The following LRTM3 variants were observed in gnomAD, a reference collection of about 807,000 sequenced individuals.
LRTM3 encodes leucine-rich repeat transmembrane protein 3.
the LRTM3 span, chr13:102,744,907 C>T: frequency 1.3e-6 from 2 of 1,550,514 alleles, no homozygotes; most frequent in Admixed American, 2.0e-5. Flanking sequence ...CTGAATTGTG[C>T]TGTTCCCCCA....
chr13:102,741,226 T>C, the LRTM3 span: 2 of 1,550,352 alleles, frequency 1.3e-6, no homozygotes, highest in Admixed American at 2.0e-5. Flanking sequence ...TATCCAACTT[T>C]GATTGCTCTT....
the LRTM3 span, chr13:102,737,814 T>C: frequency 2.4e-4 from 368 of 1,551,048 alleles, 3 homozygotes; most frequent in South Asian, 4.1e-3. Flanking sequence ...GGTCTGATTA[T>C]TCCTTGTTGG....
At chr13:102,743,780 A>G in the LRTM3 span, 4 of 1,550,488 alleles carry the variant, frequency 2.6e-6, no homozygotes, top group Non-Finnish European at 3.5e-6. Context: ...TATCTGTGAA[A>G]TTGACGACTT....
chr13:102,732,712 C>T, the LRTM3 span: 12 of 1,551,220 alleles, frequency 7.7e-6, no homozygotes, highest in South Asian at 1.2e-5. Flanking sequence ...TTCCTCTCTC[C>T]TTCTCCAGAT....
the LRTM3 span, chr13:102,747,204 T>C: frequency 1.3e-6 from 2 of 1,550,764 alleles, no homozygotes; most frequent in South Asian, 1.2e-5. Flanking sequence ...ACTAGCTTGA[T>C]ATGACTGTGA....
At chr13:102,735,576 C>G in the LRTM3 span, 1 of 1,551,062 alleles carries the variant, frequency 6.4e-7, no homozygotes, top group Non-Finnish European at 8.7e-7. Flanking sequence ...TTGAGTATAT[C>G]TGAGAGTAGT....
chr13:102,734,759 TG>T, the LRTM3 span: 1 of 1,550,984 alleles, frequency 6.4e-7, no homozygotes, highest in African/African-American at 1.4e-5. Flanking sequence ...CAATTCTAGT[TG>T]AGATAGAGAT....
the LRTM3 span, chr13:102,737,803 A>C: frequency 6.4e-7 from 1 of 1,550,802 alleles, no homozygotes; most frequent in Non-Finnish European, 8.7e-7. Flanking sequence ...GTAAAATACC[A>C]GGTCTGATTA....
chr13:102,732,170 TC>T, the LRTM3 span: 1 of 1,551,344 alleles, frequency 6.4e-7, no homozygotes. Context: ...TGGTGATTTT[TC>T]CTGGAATTTA....
the LRTM3 span, among the ~76,000 whole-genome samples, chr13:102,751,340 TATAC>T: frequency 7.8e-5 from 9 of 115,570 alleles, no homozygotes; most frequent in African/African-American, 1.3e-4. Context: ...TCTCTCTCTT[TATAC>T]ACACACACAC....
chr13:102,740,296 C>T, the LRTM3 span: 2 of 1,549,978 alleles, frequency 1.3e-6, no homozygotes, highest in Non-Finnish European at 8.7e-7. Flanking sequence ...GTTTTTTCAT[C>T]TGCCTTGGAG....
the LRTM3 span, chr13:102,729,398 A>G: frequency 1.2e-5 from 16 of 1,322,736 alleles, no homozygotes; most frequent in East Asian, 7.8e-5. Flanking sequence ...TTTTCACAGA[A>G]TATCACAATA....
the LRTM3 span, chr13:102,733,190 A>G: frequency 6.4e-7 from 1 of 1,551,402 alleles, no homozygotes; most frequent in Admixed American, 2.0e-5. Flanking sequence ...CCGTCGGATC[A>G]CTTGCTTTTT....
chr13:102,753,321 G>T, the LRTM3 span, among the ~76,000 whole-genome samples: 1 of 152,060 alleles, frequency 6.6e-6, no homozygotes, highest in African/African-American at 2.4e-5. Context: ...GGTCCTGTCA[G>T]GGAGGTGAGG....
chr13:102,729,442 A>G, the LRTM3 span: 1 of 1,446,876 alleles, frequency 6.9e-7, no homozygotes, highest in Non-Finnish European at 9.1e-7. Flanking sequence ...GAGTTTAGCT[A>G]TGGTAATGTC....
At chr13:102,737,472 C>T in the LRTM3 span, 2 of 1,550,674 alleles carry the variant, frequency 1.3e-6, no homozygotes, top group Non-Finnish European at 1.7e-6. Context: ...ACTCCATCTG[C>T]TTGCTGTTGC....
At chr13:102,740,501 T>A in the LRTM3 span, 1 of 1,550,108 alleles carries the variant, frequency 6.5e-7, no homozygotes, top group Non-Finnish European at 8.7e-7. Flanking sequence ...AAAGTTCTCA[T>A]AGGAAATTGG....
the LRTM3 span, chr13:102,749,439 T>G: frequency 1.9e-6 from 3 of 1,551,326 alleles, no homozygotes; most frequent in East Asian, 7.3e-5. Context: ...AATTCAGCAT[T>G]CTTAAAAATA....
the LRTM3 span, chr13:102,733,299 T>G: frequency 6.4e-7 from 1 of 1,551,388 alleles, no homozygotes; most frequent in African/African-American, 1.4e-5. Context: ...GCTAACACTT[T>G]GGGAGAAAAC....
Sources: allele counts gnomAD v4.1 joint callset (sites outside exome capture counted in the v4.1 genomes callset), GRCh38; gene constraint gnomAD v4.1.1; transcripts MANE v1.5; gene names NCBI Gene and HGNC (gene_info 2026-07-23, HGNC 2026-07-21).